The following PARD3B variants were observed in gnomAD, a reference collection of about 807,000 sequenced individuals.
The protein encoded by PARD3B is par-3 family cell polarity regulator beta, also known as partitioning defective 3 homolog B.
Under a neutral mutation model 130.2 loss-of-function variants are expected in PARD3B, and 103 were observed. That is an observed-to-expected ratio of 0.79 (90% CI 0.67 to 0.93). PARD3B has a LOEUF of 0.93. Among genes scored for constraint, PARD3B ranks in the 40% least tolerant of loss-of-function variants. The probability of loss-of-function intolerance (pLI) is 0.00; values close to 1 mark genes in which losing one functional copy is unlikely to be tolerated. For synonymous variants in PARD3B, 583 were observed against 553.2 expected, an observed-to-expected ratio of 1.05 and a Z score of -0.76; for missense variants, 1,609 against 1,499.2, an observed-to-expected ratio of 1.07 and a Z score of -1.21.
chr2:204,720,176 T>C (rs1016337364), intron 2 of PARD3B, among the ~76,000 whole-genome samples: 3 of 152,192 alleles, frequency 2.0e-5, no homozygotes, highest in African/African-American at 7.2e-5. Flanking sequence ...CTCTTACAGT[T>C]TTAAATACTG....
In PARD3B at chr2:205,176,496, A is replaced by C. The variant is rs1559511708; in HGVS notation, c.1843A>C (p.Asn615His). 2 of 1,613,016 alleles carry C rather than the reference A, an allele frequency of 1.2e-6. No individual in the cohort carries two copies. Among genetic ancestry groups the C allele is most frequent in the Non-Finnish European group, 1.7e-6 (2 of 1,179,228 alleles). Residue 615 changes from asparagine (N) to histidine (H), a missense_variant, in exon 13 of 23, where the codon AAT becomes CAT. Transcript: ENST00000406610. The surrounding 1 kb of genome is among the most constrained non-coding windows in gnomAD (Gnocchi z 5.3). ...CAAGCCATGCTTTGAGAACTGTCAA[A>C]ATGCTGTAACCACCTCTAGGCGAAA... ...FSKPCFENCQ[N>H]AVTTSRRNDN...
chr2:205,214,882 C>T (rs1041432267), intron 15 of PARD3B, among the ~76,000 whole-genome samples: 2 of 151,992 alleles, frequency 1.3e-5, no homozygotes, highest in Non-Finnish European at 2.9e-5. Flanking sequence ...AGGGCTTATC[C>T]GTGACCAAGC....
chr2:204,904,723 T>C (rs2046985291), intron 2 of PARD3B, among the ~76,000 whole-genome samples: 1 of 152,148 alleles, frequency 6.6e-6, no homozygotes, highest in African/African-American at 2.4e-5. Context: ...TTGTTTTTTA[T>C]AATTTTCCAT....
At chr2:205,457,696 T>TAAAA (rs2048321489) in intron 20 of PARD3B, among the ~76,000 whole-genome samples, 1 of 151,688 alleles carries the variant, frequency 6.6e-6, no homozygotes, top group Non-Finnish European at 1.5e-5. Flanking sequence ...TGCCAGTGAT[T>TAAAA]TTTTTCTTCT....
intron 15 of PARD3B, among the ~76,000 whole-genome samples, chr2:205,239,292 A>G (rs1053703788): frequency 2.0e-5 from 3 of 152,110 alleles, no homozygotes; most frequent in Non-Finnish European, 2.9e-5. Context: ...TCCCAGATCA[A>G]TTGATGCAAA....
intron 2 of PARD3B, among the ~76,000 whole-genome samples, chr2:204,804,871 G>A (rs534968055): frequency 6.6e-6 from 1 of 152,146 alleles, no homozygotes; most frequent in South Asian, 2.1e-4. Context: ...TAAACAATAT[G>A]CTCCTAAATG....
intron 3 of PARD3B, among the ~76,000 whole-genome samples, chr2:205,001,616 C>T (rs1477674328): frequency 1.3e-5 from 2 of 152,206 alleles, no homozygotes; most frequent in East Asian, 3.9e-4. Flanking sequence ...TGGTCTCAAA[C>T]AGGCAGTTAA....
At chr2:204,756,033 A>G (rs191845761) in intron 2 of PARD3B, among the ~76,000 whole-genome samples, 1 of 152,188 alleles carries the variant, frequency 6.6e-6, no homozygotes, top group East Asian at 1.9e-4. Context: ...GCATTTCCTA[A>G]TCAATAGTAT....
At chr2:204,611,602 G>C (rs980636357) in intron 1 of PARD3B, among the ~76,000 whole-genome samples, 1 of 152,084 alleles carries the variant, frequency 6.6e-6, no homozygotes, top group Non-Finnish European at 1.5e-5. Flanking sequence ...TTTATAACTT[G>C]CAGACTTTTA....
intron 10 of PARD3B, among the ~76,000 whole-genome samples, chr2:205,126,267 C>T (rs756863653): frequency 6.6e-6 from 1 of 152,078 alleles, no homozygotes; most frequent in East Asian, 1.9e-4. Flanking sequence ...AAAATGTATA[C>T]CCTTAGACCT....
intron 3 of PARD3B, among the ~76,000 whole-genome samples, chr2:205,041,036 T>G (rs1698362523): frequency 6.6e-6 from 1 of 152,192 alleles, no homozygotes; most frequent in South Asian, 2.1e-4. Context: ...GCATTCTATA[T>G]TTCTTTCTTT....
intron 2 of PARD3B, among the ~76,000 whole-genome samples, chr2:204,814,395 A>G (rs896155771): frequency 1.3e-5 from 2 of 151,768 alleles, no homozygotes; most frequent in African/African-American, 4.8e-5. Context: ...TATATAACAC[A>G]AAAACTCTTA....
chr2:205,484,212 T>C (rs1044394196), intron 20 of PARD3B, among the ~76,000 whole-genome samples: 2 of 152,244 alleles, frequency 1.3e-5, no homozygotes, highest in Non-Finnish European at 2.9e-5. Flanking sequence ...TTTCAGTTTA[T>C]TCATTTGTAA....
chr2:205,484,271 C>T (rs1212874019), intron 20 of PARD3B, among the ~76,000 whole-genome samples: 1 of 152,164 alleles, frequency 6.6e-6, no homozygotes, highest in South Asian at 2.1e-4. Context: ...CCTCTAGGAA[C>T]ACAACAAATC....
chr2:205,463,841 T>C lies in PARD3B; in HGVS notation c.3044+23169T>C, dbSNP rs1008111489. ...CCCTTCCCCACATACCATGCAGCTG[T>C]TGCAGTAGCCTTAGGGACTTTGCTT... is the stretch of plus-strand genomic sequence containing the variant. On this transcript the variant is annotated intron_variant, in intron 20 of 22. Coordinates refer to ENST00000406610, the MANE Select transcript of PARD3B (RefSeq NM_001302769.2). The surrounding 1 kb of genome is among the most constrained non-coding windows in gnomAD (Gnocchi z 4.8). Among the ~76,000 whole-genome samples, 1 of 152,174 alleles carries C rather than the reference T, an allele frequency of 6.6e-6. No individual in the cohort carries two copies. The highest frequency in any genetic ancestry group is 6.5e-5 in the Admixed American group (1 of 15,278).
chr2:205,545,670 G>A (rs738074), intron 21 of PARD3B, among the ~76,000 whole-genome samples: 143,547 of 152,212 alleles, frequency 0.94, 68,243 homozygotes, highest in East Asian at 1. Flanking sequence ...AAATTGGCTT[G>A]GAGGACATAA....
intron 20 of PARD3B, among the ~76,000 whole-genome samples, chr2:205,457,673 C>A (rs1421922542): frequency 1.3e-5 from 2 of 151,646 alleles, no homozygotes; most frequent in African/African-American, 4.8e-5. Flanking sequence ...GATATTTTCT[C>A]TAGGTATGTA....
intron 2 of PARD3B, among the ~76,000 whole-genome samples, chr2:204,827,447 C>T (rs1018883158): frequency 5.3e-5 from 8 of 152,114 alleles, no homozygotes; most frequent in African/African-American, 1.9e-4. Context: ...AGTTACAGAA[C>T]TAGGAAAGAT....
chr2:205,397,895 G>A lies in PARD3B; in HGVS notation c.2631-3118G>A, dbSNP rs920800248. Among the ~76,000 whole-genome samples, 28 of 152,068 alleles carry A rather than the reference G, an allele frequency of 1.8e-4. No individual in the cohort carries two copies. Among genetic ancestry groups the A allele is most frequent in the African/African-American group, 6.5e-4 (27 of 41,382 alleles). On this transcript the variant is annotated intron_variant, in intron 18 of 22. Coordinates refer to ENST00000406610, the MANE Select transcript of PARD3B (RefSeq NM_001302769.2). The surrounding 1 kb of genome is among the most constrained non-coding windows in gnomAD (Gnocchi z 4.8). ...TTGACCCCTAAGACTCTTCTGCATG[G>A]GTCTGGAATGCTAAAGAATGTATTC...
Sources: gnomAD v4.1 joint callset for allele counts (sites outside exome capture counted in the v4.1 genomes callset) on GRCh38, gnomAD v4.1.1 for gene constraint, Gnocchi (gnomAD v3.1) non-coding constraint, MANE v1.5 for transcripts, NCBI Gene and HGNC (gene_info 2026-07-23, HGNC 2026-07-21) for gene names.